CEP112: variants seen among roughly 807,000 people sequenced by gnomAD.
CEP112 encodes centrosomal protein 112.
In CEP112, 127 loss-of-function variants were observed where a neutral mutation model predicts 153.0. The ratio of observed to expected loss-of-function variants is 0.83; its 90% CI spans 0.72 to 0.96. The LOEUF (loss-of-function observed/expected upper bound fraction) is 0.96. CEP112 is among the 40% of genes least tolerant of loss of function. The pLI is 0.00. For missense variants in CEP112, 1,089 were observed against 1,101.2 expected, an observed-to-expected ratio of 0.99 and a Z score of 0.16; for synonymous variants, 358 against 374.4, an observed-to-expected ratio of 0.96 and a Z score of 0.51.
chr17:66,146,063 T>G (rs2070906102), intron 4 of CEP112, among the ~76,000 whole-genome samples: 1 of 152,108 alleles, frequency 6.6e-6, no homozygotes, highest in Non-Finnish European at 1.5e-5. Context: ...GGAATGCTGC[T>G]AGGTAGGTTT....
At chr17:65,990,435 C>G (rs1332209386) in intron 17 of CEP112, among the ~76,000 whole-genome samples, 16 of 152,254 alleles carry the variant, frequency 1.1e-4, no homozygotes. Context: ...ACTCCTCCCC[C>G]ATCCACCAGC....
intron 17 of CEP112, among the ~76,000 whole-genome samples, chr17:65,985,920 C>G (rs1329588194): frequency 1.3e-5 from 2 of 151,184 alleles, no homozygotes; most frequent in Non-Finnish European, 2.9e-5. Flanking sequence ...TTTAGGCCTA[C>G]AAACTAATCT....
intron 20 of CEP112, among the ~76,000 whole-genome samples, chr17:65,864,939 T>C (rs963102001): frequency 1.4e-5 from 2 of 146,480 alleles, no homozygotes; most frequent in African/African-American, 5.2e-5. Context: ...TGTGTGTGTG[T>C]GTGTGTGTGT....
chr17:66,090,988 A>G (rs2068111184), intron 8 of CEP112, among the ~76,000 whole-genome samples: 1 of 152,124 alleles, frequency 6.6e-6, no homozygotes, highest in Non-Finnish European at 1.5e-5. Context: ...GGATATACCA[A>G]TTATAAATAT....
At chr17:65,685,466 G>A (rs1481465096) in intron 24 of CEP112, among the ~76,000 whole-genome samples, 1 of 152,074 alleles carries the variant, frequency 6.6e-6, no homozygotes, top group Non-Finnish European at 1.5e-5. Flanking sequence ...TGCTTGAAAA[G>A]AAAGAGAAGA....
At chr17:65,895,052 A>G (rs2059611792) in intron 20 of CEP112, among the ~76,000 whole-genome samples, 1 of 152,242 alleles carries the variant, frequency 6.6e-6, no homozygotes, top group South Asian at 2.1e-4. Flanking sequence ...TAATGGATTT[A>G]TGCAGAATAA....
intron 21 of CEP112, among the ~76,000 whole-genome samples, chr17:65,754,835 C>T (rs976679154): frequency 6.6e-6 from 1 of 152,120 alleles, no homozygotes; most frequent in Non-Finnish European, 1.5e-5. Context: ...TCCTGCACTG[C>T]TACAAACCAA....
At chr17:65,654,461 G>GGGAGTGAA in intron 24 of CEP112, among the ~76,000 whole-genome samples, 1 of 152,230 alleles carries the variant, frequency 6.6e-6, no homozygotes, top group East Asian at 1.9e-4. Context: ...TCCACCGCAA[G>GGGAGTGAA]GGAGTGAAGC....
intron 24 of CEP112, chr17:65,644,338 C>A: frequency 1.8e-6 from 1 of 565,572 alleles, no homozygotes; most frequent in South Asian, 2.0e-5. Context: ...GATGGTGAAG[C>A]CCAATGGTGA....
chr17:65,942,023 C>T (rs563175283), intron 18 of CEP112, among the ~76,000 whole-genome samples: 10 of 152,214 alleles, frequency 6.6e-5, no homozygotes, highest in South Asian at 2.1e-4. Context: ...AGAAAGCCCA[C>T]GTATCCATAG....
At chr17:65,953,295 G>C (rs2061896903) in intron 18 of CEP112, among the ~76,000 whole-genome samples, 1 of 152,144 alleles carries the variant, frequency 6.6e-6, no homozygotes, top group South Asian at 2.1e-4. Flanking sequence ...AGTGTCAAAT[G>C]GTAGAAAGTT....
chr17:65,871,611 G>A (rs1211370404), intron 20 of CEP112, among the ~76,000 whole-genome samples: 1 of 152,076 alleles, frequency 6.6e-6, no homozygotes, highest in South Asian at 2.1e-4. Context: ...CTCCAGCCTG[G>A]GTGACAGAGC....
chr17:65,644,064 T>C (rs973681462), intron 24 of CEP112, among the ~76,000 whole-genome samples: 4 of 152,116 alleles, frequency 2.6e-5, no homozygotes, highest in Non-Finnish European at 4.4e-5. Flanking sequence ...GATGGTGACA[T>C]TGAAGGTGAC....
chr17:65,637,989 T>A (rs1372277773), intron 25 of CEP112, among the ~76,000 whole-genome samples: 1 of 152,252 alleles, frequency 6.6e-6, no homozygotes, highest in Non-Finnish European at 1.5e-5. Context: ...TTTGGTTCAA[T>A]TCCTGGCTTG....
intron 4 of CEP112, among the ~76,000 whole-genome samples, chr17:66,137,444 A>G (rs997659656): frequency 1.3e-5 from 2 of 152,044 alleles, no homozygotes; most frequent in Admixed American, 6.5e-5. Context: ...GAAGAGAAAA[A>G]TGGACATCCA....
chr17:65,880,361 T>C (rs900701908), intron 20 of CEP112, among the ~76,000 whole-genome samples: 1 of 152,196 alleles, frequency 6.6e-6, no homozygotes, highest in Non-Finnish European at 1.5e-5. Flanking sequence ...ATCATCACGA[T>C]TTCTGTTACT....
At chr17:65,850,895 C>G (rs914976079) in intron 21 of CEP112, among the ~76,000 whole-genome samples, 6 of 152,136 alleles carry the variant, frequency 3.9e-5, no homozygotes, top group Admixed American at 3.3e-4. Context: ...TTTCTGGGTT[C>G]ATAGCTATGC....
At chr17:66,106,265 A>G (rs915440815) in intron 6 of CEP112, among the ~76,000 whole-genome samples, 4 of 152,124 alleles carry the variant, frequency 2.6e-5, no homozygotes, top group Admixed American at 6.6e-5. Context: ...GCTAGAGCAA[A>G]CCAACCCCAA....
intron 21 of CEP112, among the ~76,000 whole-genome samples, chr17:65,808,439 G>A (rs1598643362): frequency 6.6e-6 from 1 of 152,124 alleles, no homozygotes; most frequent in Admixed American, 6.5e-5. Flanking sequence ...ATGTGAGAAG[G>A]ACATGAGATT....
Sources: allele counts gnomAD v4.1 joint callset (sites outside exome capture counted in the v4.1 genomes callset), GRCh38; gene constraint gnomAD v4.1.1; transcripts MANE v1.5; gene names NCBI Gene and HGNC (gene_info 2026-07-23, HGNC 2026-07-21).